The following GPATCH8 variants were observed in gnomAD, a reference collection of about 807,000 sequenced individuals.
GPATCH8 encodes the protein G patch domain-containing protein 8.
In GPATCH8, 18 loss-of-function variants were observed where a neutral mutation model predicts 118.3. The ratio of observed to expected loss-of-function variants is 0.15; its 90% confidence interval spans 0.11 to 0.23. The LOEUF is 0.23. Ranked by LOEUF, GPATCH8 falls within the 10% of genes least tolerant of loss-of-function variation. The probability of loss-of-function intolerance (pLI) is 1.00; values close to 1 mark genes in which losing one functional copy is unlikely to be tolerated. For synonymous variants in GPATCH8, 659 were observed against 684.7 expected (o/e 0.96, Z 0.59); for missense variants, 1,631 against 1,873.8 (o/e 0.87, Z 2.39).
intron 5 of GPATCH8, among the ~76,000 whole-genome samples, chr17:44,428,421 T>C (rs2050167682): frequency 1.3e-5 from 2 of 150,680 alleles, no homozygotes; most frequent in Admixed American, 1.3e-4. Flanking sequence ...TGAATCTGGG[T>C]GGTGGAGGTT....
chr17:44,410,239 G>A (rs1284292966), intron 6 of GPATCH8, among the ~76,000 whole-genome samples: 1 of 152,192 alleles, frequency 6.6e-6, no homozygotes, highest in Admixed American at 6.5e-5. Context: ...GTGAAATTCT[G>A]TGAATTGTAC....
At chr17:44,492,792 T>A (rs1460882445) in intron 1 of GPATCH8, among the ~76,000 whole-genome samples, 3 of 152,288 alleles carry the variant, frequency 2.0e-5, no homozygotes, top group Admixed American at 6.5e-5. Flanking sequence ...TGTAGAACCC[T>A]AACTTGAGAG....
chr17:44,492,767 G>T (rs1969357390), intron 1 of GPATCH8, among the ~76,000 whole-genome samples: 2 of 152,066 alleles, frequency 1.3e-5, no homozygotes, highest in Admixed American at 6.6e-5. Flanking sequence ...AAGGTGTAAT[G>T]GTCAAGGATA....
intron 6 of GPATCH8, among the ~76,000 whole-genome samples, chr17:44,412,102 T>C (rs1445469364): frequency 1.3e-5 from 2 of 152,148 alleles, no homozygotes; most frequent in East Asian, 1.9e-4. Flanking sequence ...TTTGTATTTT[T>C]AGTAGAGACA....
At chr17:44,499,952 C>T (rs1316235726) in intron 1 of GPATCH8, among the ~76,000 whole-genome samples, 1 of 146,910 alleles carries the variant, frequency 6.8e-6, no homozygotes, top group Non-Finnish European at 1.5e-5. Context: ...TAAACTAAAA[C>T]AGGTAACAAT....
intron 6 of GPATCH8, among the ~76,000 whole-genome samples, chr17:44,421,974 C>G (rs897002937): frequency 2.0e-5 from 3 of 152,086 alleles, no homozygotes; most frequent in African/African-American, 7.2e-5. Context: ...CTCTGTCCAT[C>G]TCAGCCTCCC....
intron 6 of GPATCH8, among the ~76,000 whole-genome samples, chr17:44,420,194 G>C (rs998251166): frequency 6.6e-6 from 1 of 151,986 alleles, no homozygotes; most frequent in Non-Finnish European, 1.5e-5. Context: ...TTCTCCATGG[G>C]TAACCCTTAA....
rs2050021015 is a variant in GPATCH8 at position 44,424,457 on chromosome 17, G to A, written c.384C>T (p.Ala128=). 2 of 1,607,428 alleles carry A rather than the reference G, an allele frequency of 1.2e-6. No individual in the cohort carries two copies. Among genetic ancestry groups the A allele is most frequent in the African/African-American group, 1.3e-5 (1 of 74,914 alleles). The change falls in exon 6 of 8, where the codon GCC becomes GCT. Residue 128 remains alanine (A), a synonymous_variant. Coordinates refer to ENST00000591680, the MANE Select transcript of GPATCH8 (RefSeq NM_001002909.4). ...YVDKEKAIAK[A]LEDLRANFYC... ...AAAAGTTGGCTCTGAGGTCTTCCAA[G>A]GCTTTGGCAATTGCCTTCTCTTTGT...
chr17:44,397,153 G>A lies in GPATCH8; in HGVS notation c.*415C>T, dbSNP rs562535266. On this transcript the variant is annotated 3_prime_UTR_variant, in exon 8 of 8. Transcript: ENST00000591680. ...TGGCGCTGAGAAGGCAAGACCAGAT[G>A]GGCCCACAGCAAGTGCTCTGGTGAC... 9.4e-5 allele frequency: 43 copies of A among 457,754 alleles called. No homozygotes were observed. The highest frequency in any genetic ancestry group is 7.6e-4 in the African/African-American group (38 of 50,282). 28.4% of individuals were successfully genotyped at this position (457,754 alleles called of 1,614,324 possible). A position where few individuals can be genotyped will look rare whatever the true frequency, so the allele number is the denominator to read the frequency against.
At chr17:44,490,167 T>A (rs1049085571) in intron 1 of GPATCH8, among the ~76,000 whole-genome samples, 1 of 152,038 alleles carries the variant, frequency 6.6e-6, no homozygotes, top group East Asian at 1.9e-4. Flanking sequence ...AAATTTTTTT[T>A]AATGATGGTG....
At position 44,414,127 on chromosome 17, in the gene GPATCH8, G is replaced by A. The variant is rs2338032; in HGVS notation, c.493-8076C>T. ...TGTGTATATATATATGTATATATAT[G>A]TGTATATATATATATGTGTATATAT... On this transcript the variant is annotated intron_variant, in intron 6 of 7. Transcript: ENST00000591680. Among the ~76,000 whole-genome samples the A allele has an allele frequency of 2.0e-4, 6 of 30,576 alleles. No homozygotes were observed. In the South Asian group the frequency reaches 2.0e-3, roughly 10 times the overall value. 20.1% of individuals were successfully genotyped at this position (30,576 alleles called of 152,430 possible).
chr17:44,398,299 T>G lies in GPATCH8; in HGVS notation c.3778A>C (p.Ser1260Arg), dbSNP rs1480928128. Residue 1260 changes from serine (S) to arginine (R), a missense_variant, in exon 8 of 8, where the codon AGT becomes CGT. Physicochemically the swap from Ser to Arg is moderately radical, Grantham distance 110 (BLOSUM62 -1). Coordinates refer to ENST00000591680, the MANE Select transcript of GPATCH8 (RefSeq NM_001002909.4). Reference protein sequence around the residue: ...GDTLESLDSSSQPGPVESSLL... With the variant: ...GDTLESLDSSRQPGPVESSLL... ...CTGGACTCCACAGGGCCTGGCTGAC[T>G]GCTGCTATCCAGGGACTCCAGGGTG... 7 of 1,613,898 alleles carry G rather than the reference T, an allele frequency of 4.3e-6. No homozygotes were observed. Among genetic ancestry groups the G allele is most frequent in the Non-Finnish European group, 5.9e-6 (7 of 1,179,898 alleles).
At chr17:44,480,120 G>GA (rs1240896350) in intron 1 of GPATCH8, among the ~76,000 whole-genome samples, 4 of 151,688 alleles carry the variant, frequency 2.6e-5, no homozygotes, top group South Asian at 4.2e-4. Flanking sequence ...CAAAAGAGGG[G>GA]AAAAAAACAA....
chr17:44,400,263 C>A lies in GPATCH8; in HGVS notation c.1814G>T (p.Gly605Val), dbSNP rs1298795884. 1 of 1,614,090 alleles carries A rather than the reference C, an allele frequency of 6.2e-7. No individual in the cohort carries two copies. Among genetic ancestry groups the A allele is most frequent in the African/African-American group, 1.3e-5 (1 of 75,026 alleles). ...TTTATTTGGCTCACCAGGATCTAGG[C>A]CTTGGAGATGGTCCTTTGAGGAGCT... ...IGSSSKDHLQGLDPGEPNKSK... is the reference protein window; with the variant it reads ...IGSSSKDHLQVLDPGEPNKSK... The change falls in exon 8 of 8, where the codon GGC (glycine) becomes GTC (valine). Residue 605 changes from glycine to valine, a missense_variant. This residue lies in a region of GPATCH8 where 405 missense variants were observed against 462.7 expected (regional missense o/e 0.88). Transcript: ENST00000591680.
chr17:44,487,058 A>G (rs1182489518), intron 1 of GPATCH8, among the ~76,000 whole-genome samples: 1 of 152,216 alleles, frequency 6.6e-6, no homozygotes, highest in African/African-American at 2.4e-5. Flanking sequence ...ATGTAGTTCT[A>G]TGAGTTTTGA....
intron 6 of GPATCH8, 29 bp downstream of exon 6, chr17:44,424,317 CCTT>C (rs1437244610): frequency 1.4e-6 from 2 of 1,469,592 alleles, no homozygotes; most frequent in Non-Finnish European, 9.5e-7. Flanking sequence ...TAGATAGGTA[CCTT>C]CTTCTGTTAG....
chr17:44,473,633 A>G (rs1253578419), intron 2 of GPATCH8: 3 of 152,280 alleles, frequency 2.0e-5, no homozygotes, highest in Admixed American at 6.6e-5. Context: ...TGCAGTGTTC[A>G]CTGGACCAGA....
chr17:44,464,633 A>G (rs1384321266), intron 2 of GPATCH8, 89 bp from the exon 3 acceptor site: 1 of 828,296 alleles, frequency 1.2e-6, no homozygotes, highest in Non-Finnish European at 2.1e-6. Context: ...GATGAGCAAG[A>G]GATACTTCTA....
intron 6 of GPATCH8, among the ~76,000 whole-genome samples, chr17:44,415,736 A>G (rs2049652397): frequency 1.3e-5 from 2 of 152,208 alleles, no homozygotes; most frequent in Non-Finnish European, 1.5e-5. Context: ...CAATAGAACA[A>G]AGAGTCTAAT....
Sources: allele counts gnomAD v4.1 joint callset (sites outside exome capture counted in the v4.1 genomes callset), GRCh38; gene constraint gnomAD v4.1.1; regional missense constraint gnomAD v4.1.1; transcripts MANE v1.5; gene names NCBI Gene and HGNC (gene_info 2026-07-23, HGNC 2026-07-21).